HSPA1L: variants seen among roughly 807,000 people sequenced by gnomAD.
HSPA1L encodes the protein heat shock protein family A (Hsp70) member 1 like.
Under a neutral mutation model 31.5 loss-of-function variants are expected in HSPA1L, and 21 were observed. The observed-to-expected ratio is 0.67, with a 90% CI of 0.47 to 0.96. The LOEUF (loss-of-function observed/expected upper bound fraction) is 0.96. HSPA1L is among the 40% of genes least tolerant of loss of function. The pLI, the probability that HSPA1L is intolerant of heterozygous loss-of-function variation, is 0.00. For synonymous variants in HSPA1L, 293 were observed against 323.1 expected (o/e 0.91, Z 1.00); for missense variants, 709 against 813.4 (o/e 0.87, Z 1.56).
At position 31,811,035 on chromosome 6, in the gene HSPA1L, C is replaced by T. The variant is rs1356972985; in HGVS notation, c.938G>A (p.Arg313Lys). 1.2e-6 allele frequency: 2 copies of T among 1,614,148 alleles called. No individual in the cohort carries two copies. The highest frequency in any genetic ancestry group is 1.7e-6 in the Non-Finnish European group (2 of 1,180,020). Residue 313 changes from arginine (R) to lysine (K), a missense_variant, in exon 2 of 2, where the codon AGG becomes AAG. Arg to Lys is a conservative substitution (Grantham distance 26). Coordinates refer to ENST00000375654, the MANE Select transcript of HSPA1L (RefSeq NM_005527.4). ...RFEELCADLFRGTLEPVEKAL... is the reference protein window; with the variant it reads ...RFEELCADLFKGTLEPVEKAL... ...TTTTTCTACAGGCTCCAGGGTACCC[C>T]TAAACAGGTCTGCACACAACTCTTC...
rs1815338743 is a variant in HSPA1L, at chr6:31,810,595, G to A, written c.1378C>T (p.Arg460Trp). 4.3e-6 allele frequency: 7 copies of A among 1,613,936 alleles called. No individual in the cohort carries two copies. Among genetic ancestry groups the A allele is most frequent in the East Asian group, 2.2e-5 (1 of 44,876 alleles). Residue 460 changes from arginine (R) to tryptophan (W), a missense_variant, in exon 2 of 2, where the codon CGG becomes TGG. By Grantham distance (101) the Arg-to-Trp change is moderately radical (BLOSUM62 -3). Coordinates refer to ENST00000375654, the MANE Select transcript of HSPA1L (RefSeq NM_005527.4). The stretch of plus-strand genomic sequence containing the variant: ...GGAGGGATTCCAGTCAGGTCAAACC[G>A]CCCCAGCAGGTTGTTGTCCTTTGTC... ...AMTKDNNLLG[R>W]FDLTGIPPAP...
Position 31,815,204 on chromosome 6 carries a change from A to G in HSPA1L, c.-329T>C. The stretch of plus-strand genomic sequence containing the variant: ...AACTGCGCAGGCCCAGCAAGCCCCC[A>G]CAATTAAAAGCCCAGCGCCGACCCT... On this transcript the variant is annotated 5_prime_UTR_variant, in exon 1 of 2. Coordinates refer to ENST00000375654, the MANE Select transcript of HSPA1L (RefSeq NM_005527.4). 1 of 211,566 alleles carries G rather than the reference A, an allele frequency of 4.7e-6. No homozygotes were observed. The highest frequency in any genetic ancestry group is 9.0e-6 in the Non-Finnish European group (1 of 111,018). 13.1% of individuals were successfully genotyped at this position (211,566 alleles called of 1,614,324 possible).
Position 31,815,088 on chromosome 6 carries a change from C to T in HSPA1L, c.-213G>A, listed in dbSNP as rs1581706697. 2.1e-6 allele frequency: 2 copies of T among 975,262 alleles called. No individual in the cohort carries two copies. Among genetic ancestry groups the T allele is most frequent in the East Asian group, 1.1e-4 (1 of 9,040 alleles). The allele number at this position is 975,262 out of a possible 1,614,324, so 60.4% of individuals were successfully genotyped here. ...CCCATGAGGTCAGAGACAGTATCTC[C>T]ATTGTAACGTGGCCGGGCGGTGTCA... On this transcript the variant is annotated 5_prime_UTR_variant, in exon 1 of 2. An upstream start codon of the reference 5' UTR is lost. Coordinates refer to ENST00000375654, the MANE Select transcript of HSPA1L (RefSeq NM_005527.4).
In HSPA1L at chr6:31,811,017, A is replaced by G; in HGVS notation, c.956T>C (p.Val319Ala). The G allele has an allele frequency of 6.2e-7, 1 of 1,614,142 alleles. No individual in the cohort carries two copies. Among genetic ancestry groups the G allele is most frequent in the Non-Finnish European group, 8.5e-7 (1 of 1,180,000 alleles). Residue 319 changes from valine (V) to alanine (A), a missense_variant, in exon 2 of 2, where the codon GTA becomes GCA. Val to Ala is a moderately conservative substitution (Grantham distance 64, BLOSUM62 0). Transcript: ENST00000375654. Reference protein sequence around the residue: ...ADLFRGTLEPVEKALRDAKMD... With the variant: ...ADLFRGTLEPAEKALRDAKMD... The stretch of plus-strand genomic sequence containing the variant: ...CTTGGCATCCCGAAGCGCTTTTTCT[A>G]CAGGCTCCAGGGTACCCCTAAACAG...
Position 31,809,942 on chromosome 6 carries a change from T to A in HSPA1L, c.*105A>T. 1 of 971,700 alleles carries A rather than the reference T, an allele frequency of 1.0e-6. No homozygotes were observed. The highest frequency in any genetic ancestry group is 3.7e-5 in the South Asian group (1 of 27,276). The allele number at this position is 971,700 out of a possible 1,614,324, so 60.2% of individuals were successfully genotyped here. ...CTCCTTCTCCAGAATTTCCAAGGGATGGTAACTTAGATTCAGGTCTGGTCA... is the reference window on the plus strand; with the variant it reads ...CTCCTTCTCCAGAATTTCCAAGGGAAGGTAACTTAGATTCAGGTCTGGTCA... On this transcript the variant is annotated 3_prime_UTR_variant, in exon 2 of 2. Coordinates refer to ENST00000375654, the MANE Select transcript of HSPA1L (RefSeq NM_005527.4).
At position 31,811,753 on chromosome 6, in the gene HSPA1L, G is replaced by A. The variant is rs145946517; in HGVS notation, c.220C>T (p.Arg74Cys). Residue 74 changes from arginine (R) to cysteine (C), a missense_variant, in exon 2 of 2, where the codon CGT becomes TGT. Transcript: ENST00000375654. Reference protein sequence around the residue: ...NPQNTVFDAKRLIGRKFNDPV... With the variant: ...NPQNTVFDAKCLIGRKFNDPV... ...TCATTAAATTTCCTGCCGATCAGAC[G>A]TTTAGCATCAAAAACAGTGTTCTGG... The A allele has an allele frequency of 1.7e-4, 273 of 1,614,122 alleles. No individual in the cohort carries two copies. The highest frequency in any genetic ancestry group is 1.2e-3 in the Admixed American group (75 of 60,018).
chr6:31,814,907 C>G lies in HSPA1L; in HGVS notation c.-32G>C, dbSNP rs1356770099. 1 of 985,542 alleles carries G rather than the reference C, an allele frequency of 1.0e-6. No homozygotes were observed. 61.0% of individuals were successfully genotyped at this position (985,542 alleles called of 1,614,324 possible). A position where few individuals can be genotyped will look rare whatever the true frequency, so the allele number is the denominator to read the frequency against. Reference sequence around the variant, plus strand: ...GGCTCACCTAGTCTCCCGACGCCTTCGCTTCAGTTTGGAAACGTCCAGATT... The same window carrying G: ...GGCTCACCTAGTCTCCCGACGCCTTGGCTTCAGTTTGGAAACGTCCAGATT... On this transcript the variant is annotated 5_prime_UTR_variant, in exon 1 of 2. Coordinates refer to ENST00000375654, the MANE Select transcript of HSPA1L (RefSeq NM_005527.4).
chr6:31,811,478 C>T lies in HSPA1L; in HGVS notation c.495G>A (p.Val165=). 1 of 1,614,210 alleles carries T rather than the reference C, an allele frequency of 6.2e-7. No individual in the cohort carries two copies. Residue 165 remains valine, a synonymous_variant, in exon 2 of 2, where the codon GTG becomes GTA. Coordinates refer to ENST00000375654, the MANE Select transcript of HSPA1L (RefSeq NM_005527.4). ...SQRQATKDAG[V]IAGLNVLRII... is the part of the protein sequence containing the mutation. ...TTCTTAGCACATTAAGTCCAGCAAT[C>T]ACACCTGCATCCTTAGTAGCCTGAC...
chr6:31,814,944 G>C lies in HSPA1L; in HGVS notation c.-69C>G. 1.0e-6 allele frequency: 1 copy of C among 985,666 alleles called. No homozygotes were observed. Among genetic ancestry groups the C allele is most frequent in the Non-Finnish European group, 1.2e-6 (1 of 830,182 alleles). The allele number at this position is 985,666 out of a possible 1,614,324, so 61.1% of individuals were successfully genotyped here. On this transcript the variant is annotated 5_prime_UTR_variant, in exon 1 of 2. Coordinates refer to ENST00000375654, the MANE Select transcript of HSPA1L (RefSeq NM_005527.4). ...GAAACGTCCAGATTACGCAGCCCCAGCGAGTAGGTGGGGGCTCCCTCAATA... is the reference window on the plus strand; with the variant it reads ...GAAACGTCCAGATTACGCAGCCCCACCGAGTAGGTGGGGGCTCCCTCAATA...
In HSPA1L at chr6:31,810,950, G is replaced by A. The variant is rs753914573; in HGVS notation, c.1023C>T (p.Gly341=). 2 of 1,614,028 alleles carry A rather than the reference G, an allele frequency of 1.2e-6. No individual in the cohort carries two copies. Among genetic ancestry groups the A allele is most frequent in the Admixed American group, 1.7e-5 (1 of 59,996 alleles). The part of the protein sequence containing the change: ...AKIHDIVLVG[G]STRIPKVQRL... Reference sequence around the variant, plus strand: ...GCTGCACCTTGGGGATGCGGGTGGAGCCCCCTACTAAAACAATGTCATGGA... The same window carrying A: ...GCTGCACCTTGGGGATGCGGGTGGAACCCCCTACTAAAACAATGTCATGGA... Residue 341 remains glycine (G), a synonymous_variant, in exon 2 of 2, where the codon GGC becomes GGT. Transcript: ENST00000375654.
At position 31,811,499 on chromosome 6, in the gene HSPA1L, C is replaced by G; in HGVS notation, c.474G>C (p.Gln158His). 6.2e-7 allele frequency: 1 copy of G among 1,614,178 alleles called. No homozygotes were observed. Among genetic ancestry groups the G allele is most frequent in the Non-Finnish European group, 8.5e-7 (1 of 1,180,040 alleles). ...VPAYFNDSQR[Q>H]ATKDAGVIAG... ...CAATCACACCTGCATCCTTAGTAGC[C>G]TGACGTTGAGAGTCATTGAAATAGG... Residue 158 changes from glutamine to histidine, a missense_variant, in exon 2 of 2, where the codon CAG becomes CAC. Transcript: ENST00000375654.
At chr6:31,812,797 CCTTT>C (rs1390422130) in intron 1 of HSPA1L, among the ~76,000 whole-genome samples, 1 of 152,098 alleles carries the variant, frequency 6.6e-6, no homozygotes, top group Non-Finnish European at 1.5e-5. Context: ...TTTTCCCCTC[CCTTT>C]ATCGCCTGGT....
chr6:31,810,348 T>C lies in HSPA1L; in HGVS notation c.1625A>G (p.Asn542Ser). The C allele has an allele frequency of 1.2e-6, 2 of 1,605,682 alleles. No homozygotes were observed. Among genetic ancestry groups the C allele is most frequent in the Non-Finnish European group, 1.7e-6 (2 of 1,176,216 alleles). Reference protein sequence around the residue: ...EVQREKIAAKNALESYAFNMK... With the variant: ...EVQREKIAAKSALESYAFNMK... ...GTTAAAAGCATAGGATTCTAAGGCA[T>C]TCTTTGCAGCAATTTTCTCCCTCTG... Residue 542 changes from asparagine (N) to serine (S), a missense_variant, in exon 2 of 2, where the codon AAT becomes AGT. Transcript: ENST00000375654.
Position 31,811,120 on chromosome 6 carries a change from C to G in HSPA1L, c.853G>C (p.Glu285Gln). 6.2e-7 allele frequency: 1 copy of G among 1,614,140 alleles called. No individual in the cohort carries two copies. Among genetic ancestry groups the G allele is most frequent in the South Asian group, 1.1e-5 (1 of 91,080 alleles). ...TLSSSTQANL[E>Q]IDSLYEGIDF... ...ATGCCTTCATAAAGTGAATCAATTT[C>G]TAGGTTGGCCTGGGTGCTGGACGAC... The change falls in exon 2 of 2, where the codon GAA becomes CAA. Residue 285 changes from glutamate to glutamine, a missense_variant. Glu to Gln is a conservative substitution (Grantham distance 29). Transcript: ENST00000375654.
rs941324389 is a variant in HSPA1L, at chr6:31,811,033, C to A, written c.940G>T (p.Gly314Cys). The part of the protein sequence containing the change: ...FEELCADLFR[G>C]TLEPVEKALR... Reference sequence around the variant, plus strand: ...GCTTTTTCTACAGGCTCCAGGGTACCCCTAAACAGGTCTGCACACAACTCT... The same window carrying A: ...GCTTTTTCTACAGGCTCCAGGGTACACCTAAACAGGTCTGCACACAACTCT... Residue 314 changes from glycine to cysteine, a missense_variant, in exon 2 of 2, where the codon GGT becomes TGT. Gly to Cys is a radical substitution (Grantham distance 159). Transcript: ENST00000375654. 1.1e-5 allele frequency: 18 copies of A among 1,613,980 alleles called. No individual in the cohort carries two copies. The highest frequency in any genetic ancestry group is 1.4e-5 in the Non-Finnish European group (17 of 1,180,020).
At position 31,810,615 on chromosome 6, in the gene HSPA1L, T is replaced by TTTG; in HGVS notation, c.1355_1357dup (p.Thr452dup). ...AAACCGCCCCAGCAGGTTGTTGTCC[T>TTTG]TTGTCATGGCCCTCTCGCCCTCATA... On this transcript the variant is annotated inframe_insertion, in exon 2 of 2. Coordinates refer to ENST00000375654, the MANE Select transcript of HSPA1L (RefSeq NM_005527.4). 1 of 1,614,114 alleles carries TTTG rather than the reference T, an allele frequency of 6.2e-7. No individual in the cohort carries two copies. The highest frequency in any genetic ancestry group is 8.5e-7 in the Non-Finnish European group (1 of 1,180,022).
At chr6:31,812,478 C>A (rs546571477) in intron 1 of HSPA1L, among the ~76,000 whole-genome samples, 3 of 151,846 alleles carry the variant, frequency 2.0e-5, no homozygotes, top group Non-Finnish European at 4.4e-5. Flanking sequence ...CAGCTCTCTG[C>A]CTGGCTAATG....
At position 31,811,859 on chromosome 6, in the gene HSPA1L, G is replaced by A. The variant is rs1259409178; in HGVS notation, c.114C>T (p.Arg38=). 2 of 1,614,044 alleles carry A rather than the reference G, an allele frequency of 1.2e-6. No individual in the cohort carries two copies. Reference sequence around the variant, plus strand: ...TGAAGGCCACGTAGCTGGGGGTGGTGCGGTTGCCCTGGTCGTTGGCGATGA... The same window carrying A: ...TGAAGGCCACGTAGCTGGGGGTGGTACGGTTGCCCTGGTCGTTGGCGATGA... ...VEIIANDQGN[R]TTPSYVAFTD... Residue 38 remains arginine (R), a synonymous_variant, in exon 2 of 2, where the codon CGC becomes CGT. Transcript: ENST00000375654.
At position 31,811,714 on chromosome 6, in the gene HSPA1L, C is replaced by A. The variant is rs760220858; in HGVS notation, c.259G>T (p.Ala87Ser). 4 of 1,614,030 alleles carry A rather than the reference C, an allele frequency of 2.5e-6. No individual in the cohort carries two copies. Among genetic ancestry groups the A allele is most frequent in the Non-Finnish European group, 3.4e-6 (4 of 1,180,026 alleles). Residue 87 changes from alanine to serine, a missense_variant, in exon 2 of 2, where the codon GCA (alanine) becomes TCA (serine). Physicochemically the swap from Ala to Ser is moderately conservative, Grantham distance 99. Transcript: ENST00000375654. The stretch of plus-strand genomic sequence containing the variant: ...TGAAAAGGCCAAAGTTTCATATCTG[C>A]TTGTACAACAGGATCATTAAATTTC... The part of the protein sequence containing the change: ...GRKFNDPVVQ[A>S]DMKLWPFQVI...
Sources: gnomAD v4.1 joint callset for allele counts (sites outside exome capture counted in the v4.1 genomes callset) on GRCh38, gnomAD v4.1.1 for gene constraint, MANE v1.5 for transcripts, NCBI Gene and HGNC (gene_info 2026-07-23, HGNC 2026-07-21) for gene names.